EYS: variants seen among roughly 807,000 people sequenced by gnomAD.
EYS encodes the protein protein eyes shut homolog.
A neutral mutation model predicts 282.1 loss-of-function variants in EYS; 250 were observed. The observed-to-expected ratio is 0.89, with a 90% CI of 0.80 to 0.98. EYS has a LOEUF of 0.98. EYS is among the 50% of genes least tolerant of loss of function. The pLI is 0.00. For synonymous variants in EYS, 1,355 were observed against 1,282.9 expected (o/e 1.06, Z -1.20); for missense variants, 4,016 against 3,709.0 (o/e 1.08, Z -2.15).
chr6:65,120,511 G>C (rs11965016), intron 12 of EYS, among the ~76,000 whole-genome samples: 32,315 of 138,702 alleles, frequency 0.23, 4,202 homozygotes, highest in African/African-American at 0.36. Context: ...GATATATATT[G>C]TCTTTCCATA....
At chr6:65,531,949 A>G (rs963855854) in intron 2 of EYS, among the ~76,000 whole-genome samples, 3 of 152,158 alleles carry the variant, frequency 2.0e-5, no homozygotes, top group African/African-American at 7.2e-5. Context: ...CTAGAAGGGA[A>G]TTTGTTAACT....
rs368177957 is a variant in EYS at position 64,010,555 on chromosome 6, A to G, written c.6726-11372T>C. 1.5e-4 allele frequency among the ~76,000 whole-genome samples: 23 copies of G among 152,188 alleles called. No homozygotes were observed. The East Asian group carries it at 3.1e-3, about 20-fold the overall frequency. On this transcript the variant is annotated intron_variant, in intron 33 of 42. Transcript: ENST00000503581. ...CATAAAAATTGTCTTATCTAGAATG[A>G]TTCCTGTTCCATTGTTGGTTTTCTT...
intron 19 of EYS, among the ~76,000 whole-genome samples, chr6:64,841,848 A>C (rs1357725114): frequency 6.6e-6 from 1 of 152,148 alleles, no homozygotes; most frequent in African/African-American, 2.4e-5. Flanking sequence ...TCGCCAACAC[A>C]TCACTGTCAA....
In EYS at chr6:64,828,024, G is replaced by A. The variant is rs1765107592; in HGVS notation, c.2993-5202C>T. 3.4e-5 allele frequency among the ~76,000 whole-genome samples: 5 copies of A among 147,546 alleles called. No homozygotes were observed. In the Admixed American group the frequency reaches 3.4e-4, roughly 10 times the overall value. On this transcript the variant is annotated intron_variant, in intron 19 of 42. Transcript: ENST00000503581. ...ATATGTTAAAAAATATATCATAAAA[G>A]GTGGATAGATGACTGAATCTATGAG...
At chr6:65,676,132 A>C (rs1768578333) in intron 1 of EYS, among the ~76,000 whole-genome samples, 1 of 151,910 alleles carries the variant, frequency 6.6e-6, no homozygotes, top group Admixed American at 6.6e-5. Context: ...TATAAAGAAA[A>C]GGTATCTCAA....
chr6:64,316,153 G>A lies in EYS; in HGVS notation c.6079-9071C>T, dbSNP rs993098144. Among the ~76,000 whole-genome samples, 5 of 152,036 alleles carry A rather than the reference G, an allele frequency of 3.3e-5. No homozygotes were observed. In the South Asian group the frequency reaches 6.2e-4, roughly 19 times the overall value. ...ACTGGAAACATTTCCTTTGAGAACC[G>A]GCACAAGACAAGGATGCCCTCTCTC... On this transcript the variant is annotated intron_variant, in intron 29 of 42. Transcript: ENST00000503581.
At chr6:64,464,643 A>G (rs1268927430) in intron 26 of EYS, among the ~76,000 whole-genome samples, 1 of 152,102 alleles carries the variant, frequency 6.6e-6, no homozygotes, top group East Asian at 1.9e-4. Context: ...ATATACTAAC[A>G]ACAGACTATA....
At position 64,975,819 on chromosome 6, in the gene EYS, A is replaced by G. The variant is rs553369446; in HGVS notation, c.2259+21763T>C. ...AATTATTTTGAAAATAAACATTTTT[A>G]TTACATGTTATTGAAAATATATGTT... On this transcript the variant is annotated intron_variant, in intron 14 of 42. Coordinates refer to ENST00000503581, the MANE Select transcript of EYS (RefSeq NM_001142800.2). Among the ~76,000 whole-genome samples the G allele has an allele frequency of 5.8e-4, 88 of 151,988 alleles. 1 individual carries two copies. Among genetic ancestry groups the G allele is most frequent in the African/African-American group, 2.1e-3 (88 of 41,540 alleles).
intron 31 of EYS, among the ~76,000 whole-genome samples, chr6:64,118,753 TAGA>T (rs527250058): frequency 6.6e-4 from 101 of 152,092 alleles, no homozygotes; most frequent in Admixed American, 3.9e-3. Flanking sequence ...AGACAATCTG[TAGA>T]AGGAGAGAAA....
chr6:64,516,382 A>T (rs1777560346), intron 26 of EYS, among the ~76,000 whole-genome samples: 1 of 151,796 alleles, frequency 6.6e-6, no homozygotes, highest in Non-Finnish European at 1.5e-5. Context: ...AATAATCTCT[A>T]CAAAAAACAG....
At chr6:65,024,638 T>C (rs570031281) in intron 13 of EYS, among the ~76,000 whole-genome samples, 1 of 152,226 alleles carries the variant, frequency 6.6e-6, no homozygotes, top group East Asian at 1.9e-4. Flanking sequence ...TTTTTGCTTT[T>C]TATTCAATCA....
intron 31 of EYS, among the ~76,000 whole-genome samples, chr6:64,093,235 GGGCTCTTT>G (rs1392241450): frequency 3.0e-4 from 45 of 152,078 alleles, no homozygotes; most frequent in African/African-American, 1.1e-3. Context: ...TTGACAATGT[GGGCTCTTT>G]TTTGGTTCCA....
intron 29 of EYS, among the ~76,000 whole-genome samples, chr6:64,387,278 T>G (rs1772944781): frequency 1.3e-5 from 2 of 151,920 alleles, no homozygotes; most frequent in South Asian, 4.1e-4. Flanking sequence ...CTCCTCTACT[T>G]CTTCAGAGAG....
chr6:63,746,164 C>G (rs778864968), intron 41 of EYS, among the ~76,000 whole-genome samples: 1 of 152,178 alleles, frequency 6.6e-6, no homozygotes, highest in Non-Finnish European at 1.5e-5. Flanking sequence ...AAGGCCTTTT[C>G]TGCATCTATT....
chr6:65,073,927 A>G (rs183900994), intron 12 of EYS, among the ~76,000 whole-genome samples: 2 of 152,022 alleles, frequency 1.3e-5, no homozygotes, highest in East Asian at 3.9e-4. Flanking sequence ...CAAGAAAGTG[A>G]TTCTCTGAAA....
chr6:65,025,626 A>G (rs1012274388), intron 13 of EYS, among the ~76,000 whole-genome samples: 75 of 152,158 alleles, frequency 4.9e-4, no homozygotes, highest in African/African-American at 1.7e-3. Context: ...AGGCACGAGA[A>G]CTGTTTGAAC....
intron 22 of EYS, among the ~76,000 whole-genome samples, chr6:64,769,048 T>C (rs1009000356): frequency 6.6e-6 from 1 of 152,126 alleles, no homozygotes; most frequent in African/African-American, 2.4e-5. Flanking sequence ...GTCACTTTCA[T>C]ATTAAGACAA....
intron 5 of EYS, among the ~76,000 whole-genome samples, chr6:65,453,041 A>G (rs1764463981): frequency 1.3e-5 from 2 of 152,062 alleles, no homozygotes; most frequent in Admixed American, 1.3e-4. Flanking sequence ...ACACAGCCTG[A>G]AGTTGATTAC....
intron 12 of EYS, among the ~76,000 whole-genome samples, chr6:65,238,866 T>A (rs1766989848): frequency 7.7e-6 from 1 of 129,354 alleles, no homozygotes; most frequent in Non-Finnish European, 1.6e-5. Context: ...GTAACATAAC[T>A]GAAGATGAAC....
Sources: allele counts gnomAD v4.1 joint callset (sites outside exome capture counted in the v4.1 genomes callset), GRCh38; gene constraint gnomAD v4.1.1; transcripts MANE v1.5; gene names NCBI Gene and HGNC (gene_info 2026-07-23, HGNC 2026-07-21).